MARCHF5: variants seen among roughly 807,000 people sequenced by gnomAD.
The protein encoded by MARCHF5 is membrane associated ring-CH-type finger 5, also known as E3 ubiquitin-protein ligase MARCHF5.
In MARCHF5, 5 loss-of-function variants were observed where a neutral mutation model predicts 36.5. The ratio of observed to expected loss-of-function variants is 0.14; its 90% confidence interval spans 0.07 to 0.29. MARCHF5 has a LOEUF of 0.29. Ranked by LOEUF, MARCHF5 falls within the 10% of genes least tolerant of loss-of-function variation. MARCHF5 has a pLI of 1.00. For missense variants in MARCHF5, 179 were observed against 336.3 expected, an observed-to-expected ratio of 0.53 and a Z score of 3.66; for synonymous variants, 103 against 109.9, an observed-to-expected ratio of 0.94 and a Z score of 0.39.
At chr10:92,334,024 C>T (rs750632848) in intron 2 of MARCHF5, among the ~76,000 whole-genome samples, 48 of 152,086 alleles carry the variant, frequency 3.2e-4, no homozygotes, top group Non-Finnish European at 6.0e-4. Flanking sequence ...ACCCCATCTC[C>T]GCTAAAAATA....
At chr10:92,342,972 AATG>A (rs1237124137) in intron 3 of MARCHF5, among the ~76,000 whole-genome samples, 1 of 152,224 alleles carries the variant, frequency 6.6e-6, no homozygotes, top group African/African-American at 2.4e-5. Context: ...TTCCTTATAA[AATG>A]ATGATGACAT....
At chr10:92,340,936 C>T (rs984604103) in intron 3 of MARCHF5, 133 bp downstream of exon 3, 3 of 802,168 alleles carry the variant, frequency 3.7e-6, no homozygotes, top group Non-Finnish European at 5.4e-6. Flanking sequence ...TGTTATTTCC[C>T]CTACTTTTTC....
intron 2 of MARCHF5, among the ~76,000 whole-genome samples, chr10:92,313,813 A>G (rs998907303): frequency 6.6e-6 from 1 of 152,172 alleles, no homozygotes; most frequent in African/African-American, 2.4e-5. Flanking sequence ...GGATTGCCTT[A>G]GCCTGTGAGG....
At chr10:92,301,173 C>T (rs538649077) in intron 1 of MARCHF5, among the ~76,000 whole-genome samples, 3 of 152,306 alleles carry the variant, frequency 2.0e-5, no homozygotes, top group African/African-American at 7.2e-5. Flanking sequence ...AGGCATGAGC[C>T]ACCACGCCTG....
At chr10:92,325,339 T>A (rs1033921902) in intron 2 of MARCHF5, among the ~76,000 whole-genome samples, 1 of 152,166 alleles carries the variant, frequency 6.6e-6, no homozygotes, top group Non-Finnish European at 1.5e-5. Context: ...TAAAACCTTA[T>A]GTCTTAAATA....
Position 92,349,838 on chromosome 10 carries a change from G to A in MARCHF5, c.720+1G>A, listed in dbSNP as rs1843696985. 1 of 1,609,106 alleles carries A rather than the reference G, an allele frequency of 6.2e-7. No homozygotes were observed. The highest frequency in any genetic ancestry group is 1.3e-5 in the African/African-American group (1 of 74,674). ...CTCTAATTTACAAAGGACAATCTTG[G>A]TAAGACGGCTTTAACATTACTTATA... is the stretch of plus-strand genomic sequence containing the variant. On this transcript the variant is annotated splice_donor_variant, in intron 5 of 5. Coordinates refer to ENST00000358935, the MANE Select transcript of MARCHF5 (RefSeq NM_017824.5). LOFTEE classifies it high-confidence loss of function.
chr10:92,328,823 T>TATATATATATATATATA (rs1330052359), intron 2 of MARCHF5, among the ~76,000 whole-genome samples: 39 of 130,758 alleles, frequency 3.0e-4, no homozygotes, highest in African/African-American at 8.9e-4. Context: ...ATATATATAT[T>TATATATATATATATATA]TTTTTTTTTT....
At chr10:92,346,683 A>G (rs912861243) in intron 3 of MARCHF5, among the ~76,000 whole-genome samples, 1 of 151,704 alleles carries the variant, frequency 6.6e-6, no homozygotes, top group East Asian at 1.9e-4. Flanking sequence ...GGGTTCCACC[A>G]TGTTGGTCAG....
rs564521253 is a variant in MARCHF5, at chr10:92,343,346, T to G, written c.369+2543T>G. On this transcript the variant is annotated intron_variant, in intron 3 of 5. Transcript: ENST00000358935. ...GCTGTGATTCCTTCTTCCCCCACAT[T>G]CATGACATTTTTATTCCTCAAATGG... is the stretch of plus-strand genomic sequence containing the variant. Among the ~76,000 whole-genome samples, 4 of 152,332 alleles carry G rather than the reference T, an allele frequency of 2.6e-5. No homozygotes were observed. In the South Asian group the frequency reaches 8.3e-4, roughly 32 times the overall value.
intron 3 of MARCHF5, among the ~76,000 whole-genome samples, chr10:92,348,071 T>C (rs953967809): frequency 6.6e-6 from 1 of 151,612 alleles, no homozygotes; most frequent in Non-Finnish European, 1.5e-5. Flanking sequence ...TAATCCCAGC[T>C]ACTCGAAAGG....
intron 5 of MARCHF5, among the ~76,000 whole-genome samples, chr10:92,350,887 C>A (rs1843706859): frequency 6.6e-6 from 1 of 152,140 alleles, no homozygotes; most frequent in Admixed American, 6.5e-5. Flanking sequence ...GCATCTGTGT[C>A]CCCTGTTACC....
At chr10:92,294,342 A>T (rs888696901) in intron 1 of MARCHF5, among the ~76,000 whole-genome samples, 1 of 152,332 alleles carries the variant, frequency 6.6e-6, no homozygotes, top group South Asian at 2.1e-4. Context: ...CAAATGAAAC[A>T]TACATCTCTA....
At chr10:92,328,597 G>A (rs1843397610) in intron 2 of MARCHF5, among the ~76,000 whole-genome samples, 2 of 151,188 alleles carry the variant, frequency 1.3e-5, no homozygotes, top group Admixed American at 1.3e-4. Flanking sequence ...TTCAGATATT[G>A]CTTTTCCCCC....
At chr10:92,345,566 A>G (rs1242074568) in intron 3 of MARCHF5, among the ~76,000 whole-genome samples, 1 of 152,202 alleles carries the variant, frequency 6.6e-6, no homozygotes, top group African/African-American at 2.4e-5. Context: ...TTAGCCTTTC[A>G]GCAGCAATGA....
intron 1 of MARCHF5, among the ~76,000 whole-genome samples, chr10:92,305,060 A>T (rs1437641288): frequency 1.3e-5 from 2 of 152,236 alleles, no homozygotes; most frequent in African/African-American, 4.8e-5. Flanking sequence ...CAAATAATTT[A>T]AAAATGTTTA....
At chr10:92,330,672 G>C (rs1489274298) in intron 2 of MARCHF5, among the ~76,000 whole-genome samples, 2 of 152,172 alleles carry the variant, frequency 1.3e-5, no homozygotes, top group African/African-American at 4.8e-5. Flanking sequence ...AACATCGTTT[G>C]CCCTTTTGGG....
At chr10:92,350,930 T>C (rs1181184674) in intron 5 of MARCHF5, among the ~76,000 whole-genome samples, 161 bp from the exon 6 acceptor site, 1 of 152,188 alleles carries the variant, frequency 6.6e-6, no homozygotes, top group East Asian at 1.9e-4. Flanking sequence ...TCTCTCTCCC[T>C]ATCTCATCTC....
intron 1 of MARCHF5, among the ~76,000 whole-genome samples, chr10:92,295,465 T>G (rs1395915210): frequency 6.7e-6 from 1 of 149,718 alleles, no homozygotes; most frequent in African/African-American, 2.4e-5. Flanking sequence ...TGGAGTGCAG[T>G]GGCGCAATCT....
At chr10:92,337,841 C>T (rs1471845415) in intron 2 of MARCHF5, among the ~76,000 whole-genome samples, 3 of 151,434 alleles carry the variant, frequency 2.0e-5, no homozygotes, top group Admixed American at 1.3e-4. Flanking sequence ...TGCTGGAGAG[C>T]GTCGATAAAT....
Sources: allele counts gnomAD v4.1 joint callset (sites outside exome capture counted in the v4.1 genomes callset), GRCh38; gene constraint gnomAD v4.1.1; transcripts MANE v1.5; gene names NCBI Gene and HGNC (gene_info 2026-07-23, HGNC 2026-07-21).